NR5A2: variants seen among roughly 807,000 people sequenced by gnomAD.
The protein encoded by NR5A2 is nuclear receptor subfamily 5 group A member 2.
A neutral mutation model predicts 62.7 loss-of-function variants in NR5A2; 26 were observed. The ratio of observed to expected loss-of-function variants is 0.41; its 90% CI spans 0.30 to 0.58. NR5A2 has a LOEUF of 0.58. NR5A2 is among the 20% of genes least tolerant of loss of function. NR5A2 has a pLI of 0.22. For synonymous variants in NR5A2, 246 were observed against 241.7 expected, an observed-to-expected ratio of 1.02 and a Z score of -0.16; for missense variants, 541 against 669.1, an observed-to-expected ratio of 0.81 and a Z score of 2.11.
At chr1:200,047,661 C>T (rs1057001409) in intron 4 of NR5A2, among the ~76,000 whole-genome samples, 5 of 151,264 alleles carry the variant, frequency 3.3e-5, no homozygotes, top group Non-Finnish European at 7.4e-5. Context: ...ACTGCAACCT[C>T]CACTTCCCGG....
At chr1:200,029,363 C>G (rs2816950) in intron 1 of NR5A2, 51,113 of 165,876 alleles carry the variant, frequency 0.31, 11,118 homozygotes, top group African/African-American at 0.64. Flanking sequence ...GTCTCCCCCA[C>G]ACCCCATGGG....
Position 200,039,441 on chromosome 1 carries a change from C to A in NR5A2, c.65-217C>A, listed in dbSNP as rs1340587312. On this transcript the variant is annotated intron_variant, in intron 1 of 7. Transcript: ENST00000367362. The surrounding 1 kb of genome is among the most constrained non-coding windows in gnomAD (Gnocchi z 5.1). ...GCGGAGCCGAACCAGAGGGCCGGGACGCTGTCTTCCTCGCCTCCTTTTTTA... is the reference window on the plus strand; with the variant it reads ...GCGGAGCCGAACCAGAGGGCCGGGAAGCTGTCTTCCTCGCCTCCTTTTTTA... 1.3e-5 allele frequency among the ~76,000 whole-genome samples: 2 copies of A among 152,106 alleles called. No homozygotes were observed. Among genetic ancestry groups the A allele is most frequent in the Non-Finnish European group, 2.9e-5 (2 of 68,008 alleles).
At chr1:200,114,991 G>A (rs913599939) in intron 6 of NR5A2, among the ~76,000 whole-genome samples, 16 of 152,062 alleles carry the variant, frequency 1.1e-4, no homozygotes, top group African/African-American at 3.4e-4. Flanking sequence ...GAAATTCCAA[G>A]CAAAACAAAT....
At position 200,039,630 on chromosome 1, in the gene NR5A2, G is replaced by A. The variant is rs772879337; in HGVS notation, c.65-28G>A. On this transcript the variant is annotated intron_variant, in intron 1 of 7. Coordinates refer to ENST00000367362, the MANE Select transcript of NR5A2 (RefSeq NM_205860.3). The surrounding 1 kb of genome is among the most constrained non-coding windows in gnomAD (Gnocchi z 5.1). Reference sequence around the variant, plus strand: ...GGTCGCCCCTTCCTTCTTTTCGCCGGAGTTGAATCTGTGCTGCCCGTGTCC... The same window carrying A: ...GGTCGCCCCTTCCTTCTTTTCGCCGAAGTTGAATCTGTGCTGCCCGTGTCC... 1 of 1,609,080 alleles carries A rather than the reference G, an allele frequency of 6.2e-7. No homozygotes were observed. Among genetic ancestry groups the A allele is most frequent in the Non-Finnish European group, 8.5e-7 (1 of 1,178,002 alleles).
intron 5 of NR5A2, among the ~76,000 whole-genome samples, chr1:200,057,038 G>A (rs1458967559): frequency 2.6e-5 from 4 of 152,154 alleles, no homozygotes; most frequent in African/African-American, 9.7e-5. Context: ...AGGATGTACT[G>A]AATTATTTTG....
intron 7 of NR5A2, among the ~76,000 whole-genome samples, chr1:200,172,842 T>C (rs1654242682): frequency 6.6e-6 from 1 of 152,206 alleles, no homozygotes; most frequent in East Asian, 1.9e-4. Context: ...ACTGTGTGGT[T>C]TTCTCCATAT....
chr1:200,048,388 A>G lies in NR5A2; in HGVS notation c.680A>G (p.His227Arg). 1 of 1,614,182 alleles carries G rather than the reference A, an allele frequency of 6.2e-7. No homozygotes were observed. Among genetic ancestry groups the G allele is most frequent in the Non-Finnish European group, 8.5e-7 (1 of 1,180,022 alleles). Residue 227 changes from histidine to arginine, a missense_variant, in exon 5 of 8, where the codon CAT becomes CGT. By Grantham distance (29) the His-to-Arg change is conservative. Around this residue, in one of 3 missense-constraint regions of NR5A2, gnomAD observed 379 missense variants for 442.0 expected, o/e 0.86. Transcript: ENST00000367362. This position sits in a 1 kb window ranked among gnomAD's most constrained non-coding sequence, Gnocchi z 4.8. ...GCCTCCAAAGGCCTACCTCTGAACCATGCTGCCTTGCCTCCTACAGACTAT... is the reference window on the plus strand; with the variant it reads ...GCCTCCAAAGGCCTACCTCTGAACCGTGCTGCCTTGCCTCCTACAGACTAT... Reference protein sequence around the residue: ...HSASKGLPLNHAALPPTDYDR... With the variant: ...HSASKGLPLNRAALPPTDYDR...
chr1:200,084,834 A>G (rs934889098), intron 5 of NR5A2, among the ~76,000 whole-genome samples: 4 of 152,260 alleles, frequency 2.6e-5, no homozygotes, highest in Non-Finnish European at 4.4e-5. Flanking sequence ...TACAAAATGT[A>G]ACAGGAAAAC....
chr1:200,055,392 C>T (rs1224827990), intron 5 of NR5A2, among the ~76,000 whole-genome samples: 1 of 152,104 alleles, frequency 6.6e-6, no homozygotes, highest in African/African-American at 2.4e-5. Context: ...GATGGGGTTT[C>T]TCCATGTTGG....
chr1:200,107,758 G>T (rs1221074719), intron 5 of NR5A2, among the ~76,000 whole-genome samples: 1 of 152,072 alleles, frequency 6.6e-6, no homozygotes, highest in African/African-American at 2.4e-5. Flanking sequence ...TCCTGTCTCA[G>T]CCTCCCGAGT....
chr1:200,085,862 C>T (rs746923234), intron 5 of NR5A2, among the ~76,000 whole-genome samples: 4 of 152,034 alleles, frequency 2.6e-5, no homozygotes, highest in South Asian at 2.1e-4. Flanking sequence ...TGCAAAAGAC[C>T]GACACAATTT....
chr1:200,043,802 C>A lies in NR5A2; in HGVS notation c.231C>A (p.Ser77=), dbSNP rs1179472709. Residue 77 remains serine (S), a synonymous_variant, in exon 3 of 8, where the codon TCC becomes TCA. Coordinates refer to ENST00000367362, the MANE Select transcript of NR5A2 (RefSeq NM_205860.3). ...QVSQFKMVNY[S]YDEDLEELCP... ...CTCAATTTAAAATGGTGAATTACTC[C>A]TATGATGAAGATCTGGAAGAGCTTT... is the stretch of plus-strand genomic sequence containing the variant. 1.2e-6 allele frequency: 2 copies of A among 1,613,028 alleles called. No individual in the cohort carries two copies. Among genetic ancestry groups the A allele is most frequent in the Non-Finnish European group, 1.7e-6 (2 of 1,179,202 alleles).
At chr1:200,081,302 C>T (rs150968379) in intron 5 of NR5A2, among the ~76,000 whole-genome samples, 1 of 152,294 alleles carries the variant, frequency 6.6e-6, no homozygotes, top group African/African-American at 2.4e-5. Flanking sequence ...GACCTAAATG[C>T]CTCATTTTCA....
intron 6 of NR5A2, among the ~76,000 whole-genome samples, chr1:200,113,401 A>G (rs775114668): frequency 1.1e-4 from 16 of 152,190 alleles, no homozygotes; most frequent in Non-Finnish European, 8.8e-5. Flanking sequence ...CAATTATGGT[A>G]GACATGTTTA....
intron 6 of NR5A2, among the ~76,000 whole-genome samples, chr1:200,118,746 C>A (rs944575524): frequency 8.5e-5 from 13 of 152,212 alleles, no homozygotes; most frequent in African/African-American, 3.1e-4. Context: ...TAAGGACTTT[C>A]CTTGAAGTAG....
intron 6 of NR5A2, among the ~76,000 whole-genome samples, chr1:200,114,217 GATAT>G (rs751507322): frequency 2.3e-4 from 14 of 61,376 alleles, no homozygotes; most frequent in Non-Finnish European, 4.7e-4. Context: ...GAAGCTAGAA[GATAT>G]ATATATATAT....
intron 5 of NR5A2, among the ~76,000 whole-genome samples, chr1:200,104,751 C>A (rs932833347): frequency 1.3e-5 from 2 of 152,208 alleles, no homozygotes; most frequent in African/African-American, 2.4e-5. Flanking sequence ...CAACCTCCGC[C>A]TTCCGGGTTC....
At chr1:200,148,251 G>A (rs933111818) in intron 7 of NR5A2, 14 of 215,188 alleles carry the variant, frequency 6.5e-5, no homozygotes, top group African/African-American at 2.8e-4. Flanking sequence ...AAGGAAGCCG[G>A]CCACAGCATT....
In NR5A2 at chr1:200,048,017, A is replaced by G. The variant is rs1328302299; in HGVS notation, c.464-155A>G. On this transcript the variant is annotated intron_variant, in intron 4 of 7. Transcript: ENST00000367362. This position sits in a 1 kb window ranked among gnomAD's most constrained non-coding sequence, Gnocchi z 4.8. ...GAAGGAATTCATAAATAAAGAGGACATGGTTTTTTGGGAAATCTTTGTGGG... is the reference window on the plus strand; with the variant it reads ...GAAGGAATTCATAAATAAAGAGGACGTGGTTTTTTGGGAAATCTTTGTGGG... Among the ~76,000 whole-genome samples, 1 of 152,218 alleles carries G rather than the reference A, an allele frequency of 6.6e-6. No individual in the cohort carries two copies. Among genetic ancestry groups the G allele is most frequent in the African/African-American group, 2.4e-5 (1 of 41,460 alleles).
Sources: gnomAD v4.1 joint callset for allele counts (sites outside exome capture counted in the v4.1 genomes callset) on GRCh38, gnomAD v4.1.1 for gene constraint, gnomAD v4.1.1 regional missense constraint, Gnocchi (gnomAD v3.1) non-coding constraint, MANE v1.5 for transcripts, NCBI Gene and HGNC (gene_info 2026-07-23, HGNC 2026-07-21) for gene names.